Variants in KHDRBS3 observed in about 807,000 individuals in gnomAD.
KHDRBS3 encodes the protein KH domain-containing, RNA-binding, signal transduction-associated protein 3.
KHDRBS3 carries 23 observed loss-of-function variants against 45.6 expected under a neutral mutation model. The observed-to-expected ratio is 0.50, with a 90% CI of 0.36 to 0.72. The LOEUF is 0.72. Among genes scored for constraint, KHDRBS3 ranks in the 30% least tolerant of loss-of-function variants. KHDRBS3 has a pLI of 0.00. For synonymous variants in KHDRBS3, 162 were observed against 156.5 expected (o/e 1.04, Z -0.26); for missense variants, 352 against 424.8 (o/e 0.83, Z 1.51).
At chr8:135,512,991 T>C (rs2130596061) in intron 1 of KHDRBS3, among the ~76,000 whole-genome samples, 1 of 152,204 alleles carries the variant, frequency 6.6e-6, no homozygotes, top group Admixed American at 6.5e-5. Context: ...GGCGGGCGGA[T>C]GACAAGGTCA....
At chr8:135,492,516 C>CATATATATATATATATATATATACATAT (rs3029812) in intron 1 of KHDRBS3, among the ~76,000 whole-genome samples, 3 of 145,856 alleles carry the variant, frequency 2.1e-5, no homozygotes, top group African/African-American at 7.5e-5. Context: ...TATATATATA[C>CATATATATATATATATATATATACATAT]ATATATATAT....
chr8:135,549,620 T>C (rs1317843785), intron 4 of KHDRBS3: 1 of 152,226 alleles, frequency 6.6e-6, no homozygotes, highest in Non-Finnish European at 1.5e-5. Context: ...TTATGTCATT[T>C]GCATGCTCTT....
Position 135,518,407 on chromosome 8 carries a change from C to G in KHDRBS3, c.89-2830C>G, listed in dbSNP as rs142933979. Among the ~76,000 whole-genome samples, 4 of 152,222 alleles carry G rather than the reference C, an allele frequency of 2.6e-5. No homozygotes were observed. The East Asian group carries it at 7.7e-4, about 29-fold the overall frequency. On this transcript the variant is annotated intron_variant, in intron 1 of 8. Coordinates refer to ENST00000355849, the MANE Select transcript of KHDRBS3 (RefSeq NM_006558.3). The stretch of plus-strand genomic sequence containing the variant: ...GCCAGGATGGTCTCAATCTCCTGAC[C>G]TCGTGATCCACCCGCCTCGGCCTCC...
intron 2 of KHDRBS3, chr8:135,541,017 G>A (rs1826023394): frequency 6.6e-6 from 1 of 152,192 alleles, no homozygotes. Context: ...CAGAAAGGAT[G>A]AGAAATTTAA....
intron 5 of KHDRBS3, among the ~76,000 whole-genome samples, chr8:135,572,367 C>G (rs1827743635): frequency 6.6e-6 from 1 of 152,120 alleles, no homozygotes; most frequent in South Asian, 2.1e-4. Flanking sequence ...ATAATTTTAC[C>G]AGGAACCAGT....
intron 4 of KHDRBS3, among the ~76,000 whole-genome samples, chr8:135,550,687 A>G (rs975331679): frequency 2.0e-5 from 3 of 151,998 alleles, no homozygotes; most frequent in African/African-American, 4.8e-5. Flanking sequence ...TTTTTCAAAC[A>G]TTTTTTGGCT....
intron 1 of KHDRBS3, among the ~76,000 whole-genome samples, chr8:135,472,417 T>C (rs936856493): frequency 2.0e-5 from 3 of 152,190 alleles, no homozygotes; most frequent in African/African-American, 4.8e-5. Flanking sequence ...CTCCAGGCCC[T>C]AGAGAGCTGG....
chr8:135,549,393 A>G (rs1053186353), intron 4 of KHDRBS3: 1 of 152,262 alleles, frequency 6.6e-6, no homozygotes. Context: ...AATATAACAG[A>G]CATAACCATA....
At chr8:135,549,362 T>A (rs924994305) in intron 4 of KHDRBS3, 1 of 152,342 alleles carries the variant, frequency 6.6e-6, no homozygotes, top group Non-Finnish European at 1.5e-5. Context: ...CATCAACAGA[T>A]GATTTCAGTA....
In KHDRBS3 at chr8:135,525,340, T is replaced by A. The variant is rs1825127081; in HGVS notation, c.207+3985T>A. On this transcript the variant is annotated intron_variant, in intron 2 of 8. Coordinates refer to ENST00000355849, the MANE Select transcript of KHDRBS3 (RefSeq NM_006558.3). The stretch of plus-strand genomic sequence containing the variant: ...ATTTCAGAAGATTTTATACATAATA[T>A]TTGGTTATCTGCAACTCTGACCGTC... Among the ~76,000 whole-genome samples, 2 of 152,142 alleles carry A rather than the reference T, an allele frequency of 1.3e-5. 1 individual carries two copies. The highest frequency in any genetic ancestry group is 4.8e-5 in the African/African-American group (2 of 41,428).
At position 135,647,021 on chromosome 8, in the gene KHDRBS3, C is replaced by T. The variant is rs868254806; in HGVS notation, c.978C>T (p.His326=). ...YGQEEWTNSR[H]KAPSARTAKG... ...AAGAAGAGTGGACTAACTCAAGACACAAGGCACCTTCAGCGAGGACAGCAA... is the reference window on the plus strand; with the variant it reads ...AAGAAGAGTGGACTAACTCAAGACATAAGGCACCTTCAGCGAGGACAGCAA... The change falls in exon 9 of 9, where the codon CAC becomes CAT. Residue 326 remains histidine (H), a synonymous_variant. Coordinates refer to ENST00000355849, the MANE Select transcript of KHDRBS3 (RefSeq NM_006558.3). 2 of 1,607,828 alleles carry T rather than the reference C, an allele frequency of 1.2e-6. No individual in the cohort carries two copies. Among genetic ancestry groups the T allele is most frequent in the Admixed American group, 1.7e-5 (1 of 59,996 alleles).
chr8:135,555,863 C>T (rs1826856502), intron 4 of KHDRBS3, among the ~76,000 whole-genome samples: 1 of 152,120 alleles, frequency 6.6e-6, no homozygotes, highest in South Asian at 2.1e-4. Flanking sequence ...TACGTTAATT[C>T]TCCAAATGTT....
intron 1 of KHDRBS3, among the ~76,000 whole-genome samples, chr8:135,484,377 A>C (rs1287398031): frequency 6.6e-6 from 1 of 152,218 alleles, no homozygotes; most frequent in Non-Finnish European, 1.5e-5. Flanking sequence ...AGAATGGAAG[A>C]CTTTGGCTGA....
intron 1 of KHDRBS3, among the ~76,000 whole-genome samples, chr8:135,500,411 C>T (rs1469491497): frequency 6.6e-6 from 1 of 152,118 alleles, no homozygotes; most frequent in Non-Finnish European, 1.5e-5. Context: ...ATTTGAGGAA[C>T]TCCTAGGGCT....
chr8:135,520,498 G>A (rs1020110802), intron 1 of KHDRBS3, among the ~76,000 whole-genome samples: 4 of 152,260 alleles, frequency 2.6e-5, no homozygotes, highest in Admixed American at 2.6e-4. Flanking sequence ...GTTCCAGAGG[G>A]AGAGGTAGCA....
intron 6 of KHDRBS3, among the ~76,000 whole-genome samples, chr8:135,584,928 T>A (rs533356385): frequency 4.5e-4 from 68 of 152,172 alleles, no homozygotes; most frequent in African/African-American, 1.5e-3. Context: ...TCTTAAAAAA[T>A]TTTTTTATGT....
chr8:135,536,262 T>TTTTTTTA (rs1491256544), intron 2 of KHDRBS3, among the ~76,000 whole-genome samples: 2 of 98,762 alleles, frequency 2.0e-5, no homozygotes, highest in Admixed American at 1.2e-4. Context: ...TTTTTTTTTT[T>TTTTTTTA]ATTATTGTTT....
At chr8:135,583,290 G>C (rs778517075) in intron 6 of KHDRBS3, among the ~76,000 whole-genome samples, 5 of 152,188 alleles carry the variant, frequency 3.3e-5, no homozygotes, top group Non-Finnish European at 5.9e-5. Flanking sequence ...TCCCGTAATA[G>C]TTTTACAAGT....
chr8:135,607,332 A>G (rs760206485), intron 7 of KHDRBS3, among the ~76,000 whole-genome samples: 4 of 152,228 alleles, frequency 2.6e-5, no homozygotes, highest in African/African-American at 4.8e-5. Context: ...GTCTGTGACT[A>G]TTTAGTCTTA....
Sources: gnomAD v4.1 joint callset for allele counts (sites outside exome capture counted in the v4.1 genomes callset) on GRCh38, gnomAD v4.1.1 for gene constraint, MANE v1.5 for transcripts, NCBI Gene and HGNC (gene_info 2026-07-23, HGNC 2026-07-21) for gene names.